The following ATXN1 variants were observed in gnomAD, a reference collection of about 807,000 sequenced individuals.
ATXN1 encodes ataxin 1.
In ATXN1, 8 loss-of-function variants were observed where a neutral mutation model predicts 56.4. That is an observed-to-expected ratio of 0.14 (90% CI 0.08 to 0.26). ATXN1 has a LOEUF of 0.26. ATXN1 is among the 10% of genes least tolerant of loss of function. ATXN1 has a pLI of 1.00. For missense variants in ATXN1, 987 were observed against 1,106.5 expected (o/e 0.89, Z 1.53); for synonymous variants, 514 against 494.6 (o/e 1.04, Z -0.52).
At chr6:16,489,558 CAT>C (rs1158154376) in intron 5 of ATXN1, among the ~76,000 whole-genome samples, 6 of 152,320 alleles carry the variant, frequency 3.9e-5, no homozygotes, top group Admixed American at 3.3e-4. Context: ...CACTAGCTCT[CAT>C]AGCTTCTCAA....
intron 6 of ATXN1, among the ~76,000 whole-genome samples, chr6:16,443,208 CAAAAAAA>C (rs70999325): frequency 9.8e-5 from 4 of 40,758 alleles, no homozygotes; most frequent in Non-Finnish European, 1.3e-4. Flanking sequence ...TCTATTGGAG[CAAAAAAA>C]AAAAAAAAAA....
intron 4 of ATXN1, among the ~76,000 whole-genome samples, chr6:16,564,668 T>C (rs575049808): frequency 2.0e-5 from 3 of 152,278 alleles, no homozygotes; most frequent in South Asian, 2.1e-4. Flanking sequence ...AATCTATATA[T>C]AGAGAAACAG....
intron 7 of ATXN1, among the ~76,000 whole-genome samples, chr6:16,316,440 T>TG (rs1174285524): frequency 6.6e-6 from 1 of 152,134 alleles, no homozygotes; most frequent in African/African-American, 2.4e-5. Context: ...AAGTAATAGG[T>TG]GCTCAGTTAA....
At chr6:16,706,580 C>A (rs1252378906) in intron 2 of ATXN1, among the ~76,000 whole-genome samples, 1 of 152,032 alleles carries the variant, frequency 6.6e-6, no homozygotes, top group Non-Finnish European at 1.5e-5. Flanking sequence ...AAAAAATGGT[C>A]CGTGCGTGGT....
intron 6 of ATXN1, among the ~76,000 whole-genome samples, chr6:16,341,456 G>A (rs1356423892): frequency 6.6e-6 from 1 of 151,568 alleles, no homozygotes; most frequent in Non-Finnish European, 1.5e-5. Context: ...TGGCATTTTA[G>A]GAAATGCACC....
chr6:16,537,381 G>T (rs1761621337), intron 4 of ATXN1, among the ~76,000 whole-genome samples: 3 of 152,110 alleles, frequency 2.0e-5, no homozygotes, highest in African/African-American at 7.2e-5. Flanking sequence ...CTCCGAGAAG[G>T]ACTCTAGTGC....
At chr6:16,316,861 C>CTTTTT (rs1760521842) in intron 7 of ATXN1, among the ~76,000 whole-genome samples, 1 of 96,916 alleles carries the variant, frequency 1.0e-5, no homozygotes, top group African/African-American at 6.4e-5. Flanking sequence ...GAGAGACTGC[C>CTTTTT]TGTCTTTTTT....
chr6:16,442,170 T>C (rs141192353), intron 6 of ATXN1, among the ~76,000 whole-genome samples: 1 of 152,282 alleles, frequency 6.6e-6, no homozygotes, highest in Non-Finnish European at 1.5e-5. Context: ...TAAAAGTCAG[T>C]AGCGTGACAC....
chr6:16,366,855 A>G (rs1189607118), intron 6 of ATXN1, among the ~76,000 whole-genome samples: 1 of 152,180 alleles, frequency 6.6e-6, no homozygotes, highest in Non-Finnish European at 1.5e-5. Flanking sequence ...GTTCACAAAA[A>G]TATCCAATGG....
chr6:16,756,561 G>T (rs566555245), intron 1 of ATXN1, among the ~76,000 whole-genome samples: 104 of 152,256 alleles, frequency 6.8e-4, no homozygotes, highest in African/African-American at 2.3e-3. Flanking sequence ...TCTGTTATTT[G>T]AAGCAATTAA....
chr6:16,393,938 C>G (rs1172312440), intron 6 of ATXN1, among the ~76,000 whole-genome samples: 2 of 150,812 alleles, frequency 1.3e-5, no homozygotes, highest in Non-Finnish European at 2.9e-5. Context: ...GTGCCTCCCT[C>G]CCCTAGTTTT....
intron 2 of ATXN1, among the ~76,000 whole-genome samples, chr6:16,702,740 T>A (rs534913061): frequency 1.9e-4 from 29 of 152,368 alleles, no homozygotes; most frequent in African/African-American, 6.7e-4. Context: ...ATGCTCATCA[T>A]CACTGGCCAT....
intron 3 of ATXN1, among the ~76,000 whole-genome samples, chr6:16,613,023 T>C (rs1172342103): frequency 5.3e-5 from 8 of 150,956 alleles, no homozygotes; most frequent in African/African-American, 1.9e-4. Context: ...CCCAGCACTT[T>C]GGGAGGCCGA....
At chr6:16,331,449 C>T (rs532398430) in intron 6 of ATXN1, among the ~76,000 whole-genome samples, 5 of 152,316 alleles carry the variant, frequency 3.3e-5, no homozygotes, top group African/African-American at 9.6e-5. Context: ...TCCATACCAA[C>T]GAGCAAGGAA....
chr6:16,720,546 C>T lies in ATXN1; in HGVS notation c.-615+32687G>A, dbSNP rs954190275. Among the ~76,000 whole-genome samples, 40 of 152,294 alleles carry T rather than the reference C, an allele frequency of 2.6e-4. 1 individual carries two copies. Among genetic ancestry groups the T allele is most frequent in the Admixed American group, 1.6e-3 (24 of 15,292 alleles). ...TTATAAAAGCCTGACTTGATTAGCA[C>T]CATCAAGACATATGAGCTTAAGACA... is the stretch of plus-strand genomic sequence containing the variant. On this transcript the variant is annotated intron_variant, in intron 2 of 7. Coordinates refer to ENST00000436367, the MANE Select transcript of ATXN1 (RefSeq NM_001128164.2).
At chr6:16,473,130 A>C (rs1760252452) in intron 6 of ATXN1, among the ~76,000 whole-genome samples, 1 of 152,144 alleles carries the variant, frequency 6.6e-6, no homozygotes, top group Non-Finnish European at 1.5e-5. Flanking sequence ...TTAATGAAAA[A>C]AATTAGAAAA....
At chr6:16,334,594 G>C (rs1191476765) in intron 6 of ATXN1, among the ~76,000 whole-genome samples, 12 of 152,120 alleles carry the variant, frequency 7.9e-5, no homozygotes. Flanking sequence ...GTTTGCATCT[G>C]TGGTCCTAGC....
chr6:16,685,020 AAC>A (rs3072311), intron 2 of ATXN1, among the ~76,000 whole-genome samples: 31 of 150,878 alleles, frequency 2.1e-4, no homozygotes, highest in African/African-American at 3.9e-4. Flanking sequence ...TTCTACAGAC[AAC>A]ACACACACAC....
chr6:16,648,167 C>A (rs1433189782), intron 3 of ATXN1, among the ~76,000 whole-genome samples: 1 of 152,176 alleles, frequency 6.6e-6, no homozygotes, highest in Non-Finnish European at 1.5e-5. Flanking sequence ...TAGTTCACTT[C>A]TCTTTTATAT....
Sources: gnomAD v4.1 joint callset for allele counts (sites outside exome capture counted in the v4.1 genomes callset) on GRCh38, gnomAD v4.1.1 for gene constraint, MANE v1.5 for transcripts, NCBI Gene and HGNC (gene_info 2026-07-23, HGNC 2026-07-21) for gene names.